RBFOX1: variants seen among roughly 807,000 people sequenced by gnomAD.
RBFOX1 encodes RNA binding fox-1 homolog 1.
A neutral mutation model predicts 57.7 loss-of-function variants in RBFOX1; 8 were observed. The observed-to-expected ratio is 0.14, with a 90% CI of 0.08 to 0.25. RBFOX1 has a LOEUF of 0.25. Among genes scored for constraint, RBFOX1 ranks in the 10% least tolerant of loss-of-function variants. RBFOX1 has a pLI of 1.00. For missense variants in RBFOX1, 611 were observed against 548.5 expected (o/e 1.11, Z -1.14); for synonymous variants, 326 against 222.4 (o/e 1.47, Z -4.15).
At chr16:5,826,520 T>C (rs1328886679) in intron 3 of RBFOX1, among the ~76,000 whole-genome samples, 1 of 152,248 alleles carries the variant, frequency 6.6e-6, no homozygotes, top group Non-Finnish European at 1.5e-5. Flanking sequence ...CCATTTGGCA[T>C]GAAAGCAGCC....
chr16:7,239,523 G>C (rs1246979999), intron 4 of RBFOX1, among the ~76,000 whole-genome samples: 10 of 151,992 alleles, frequency 6.6e-5, no homozygotes, highest in Admixed American at 4.6e-4. Context: ...ATAAAAATTG[G>C]AATCGGCTGG....
intron 14 of RBFOX1, among the ~76,000 whole-genome samples, chr16:7,678,333 G>A (rs1290642179): frequency 6.6e-6 from 1 of 152,076 alleles, no homozygotes; most frequent in East Asian, 1.9e-4. Context: ...GGGTCAATAA[G>A]ACTAATAAAA....
chr16:6,060,126 T>TTTG lies in RBFOX1; in HGVS notation c.-127+40136_-127+40137insGTT, dbSNP rs2095665575. 2.9e-4 allele frequency among the ~76,000 whole-genome samples: 3 copies of TTTG among 10,328 alleles called. No individual in the cohort carries two copies. The East Asian group carries it at 6.2e-3, about 21-fold the overall frequency. The allele number at this position is 10,328 out of a possible 152,430, so 6.8% of individuals were successfully genotyped here. Reference sequence around the variant, plus strand: ...GGCCCTAAAATTAGGATTAGGGTTTTTTTTTTTTTTTTTTTTTTTTTTTTT... The same window carrying TTTG: ...GGCCCTAAAATTAGGATTAGGGTTTTTTGTTTTTTTTTTTTTTTTTTTTTTTTT... On this transcript the variant is annotated intron_variant, in intron 1 of 15. Coordinates refer to ENST00000550418, the MANE Select transcript of RBFOX1 (RefSeq NM_018723.4).
In RBFOX1 at chr16:5,957,307, G is replaced by A. The variant is rs575297774; in HGVS notation, c.351+89972G>A. Among the ~76,000 whole-genome samples the A allele has an allele frequency of 5.9e-5, 9 of 152,134 alleles. No individual in the cohort carries two copies. The South Asian group carries it at 1.0e-3, about 18-fold the overall frequency. ...TCAGCTCACTGCAACCTCCACCTCCGGTGTTCAAGCGATTCTCTTGCCTCA... is the reference window on the plus strand; with the variant it reads ...TCAGCTCACTGCAACCTCCACCTCCAGTGTTCAAGCGATTCTCTTGCCTCA... On this transcript the variant is annotated intron_variant, in intron 4 of 19. Transcript: ENST00000641259.
intron 4 of RBFOX1, among the ~76,000 whole-genome samples, chr16:5,979,629 C>T (rs911612241): frequency 7.9e-5 from 12 of 152,224 alleles, no homozygotes; most frequent in African/African-American, 2.6e-4. Flanking sequence ...TTTGGGAGTA[C>T]GACGCAGATG....
intron 3 of RBFOX1, among the ~76,000 whole-genome samples, chr16:6,933,832 CTCTTTA>C (rs1555644247): frequency 3.9e-5 from 6 of 152,188 alleles, no homozygotes; most frequent in Non-Finnish European, 7.3e-5. Context: ...GTGTTTACCT[CTCTTTA>C]TCTTAAGAAA....
At chr16:5,481,970 T>G (rs972809761) in intron 2 of RBFOX1, among the ~76,000 whole-genome samples, 33 of 152,184 alleles carry the variant, frequency 2.2e-4, no homozygotes, top group African/African-American at 7.5e-4. Flanking sequence ...ACGGTCACAT[T>G]CTGAAGTACT....
chr16:6,726,360 TA>T (rs1314152998), intron 3 of RBFOX1, among the ~76,000 whole-genome samples: 2 of 151,520 alleles, frequency 1.3e-5, no homozygotes, highest in Non-Finnish European at 1.5e-5. Flanking sequence ...TTTGCATTTG[TA>T]AAAAAATAAT....
chr16:7,137,954 C>T (rs145961567), intron 4 of RBFOX1, among the ~76,000 whole-genome samples: 105 of 152,210 alleles, frequency 6.9e-4, no homozygotes, highest in African/African-American at 2.5e-3. Context: ...AGTGAGTTAG[C>T]CTCTATTTTC....
intron 14 of RBFOX1, among the ~76,000 whole-genome samples, chr16:7,706,086 T>G (rs1395021793): frequency 6.6e-6 from 1 of 152,182 alleles, no homozygotes; most frequent in Admixed American, 6.5e-5. Flanking sequence ...GGACATCAGA[T>G]TGCTGACGTG....
chr16:6,553,965 G>A (rs1367006127), intron 2 of RBFOX1, among the ~76,000 whole-genome samples: 1 of 152,084 alleles, frequency 6.6e-6, no homozygotes, highest in East Asian at 1.9e-4. Flanking sequence ...CAGGTACCAG[G>A]GTTTATTCAT....
intron 1 of RBFOX1, among the ~76,000 whole-genome samples, chr16:6,309,658 G>C (rs538259195): frequency 6.6e-6 from 1 of 151,984 alleles, no homozygotes; most frequent in South Asian, 2.1e-4. Context: ...CTCAAAGGGA[G>C]GCGGTGTGTG....
At chr16:5,499,051 A>G (rs1193857099) in intron 2 of RBFOX1, among the ~76,000 whole-genome samples, 4 of 152,164 alleles carry the variant, frequency 2.6e-5, no homozygotes, top group African/African-American at 4.8e-5. Context: ...CTCAATATGC[A>G]CAAGTGCCCC....
At chr16:6,566,184 C>G (rs927822413) in intron 2 of RBFOX1, among the ~76,000 whole-genome samples, 2 of 152,216 alleles carry the variant, frequency 1.3e-5, no homozygotes, top group African/African-American at 4.8e-5. Context: ...GAGGTACAAT[C>G]ACCTCCGTTG....
chr16:7,302,381 A>G (rs1207368967), intron 4 of RBFOX1, among the ~76,000 whole-genome samples: 4 of 152,112 alleles, frequency 2.6e-5, no homozygotes, highest in Non-Finnish European at 2.9e-5. Context: ...TTGCGAGCTG[A>G]TGGCTGGGTT....
At chr16:7,023,158 C>A (rs1021362207) in intron 3 of RBFOX1, among the ~76,000 whole-genome samples, 1 of 151,994 alleles carries the variant, frequency 6.6e-6, no homozygotes, top group African/African-American at 2.4e-5. Context: ...TGGGAGGCTG[C>A]AGAAGGAGGG....
In RBFOX1 at chr16:7,507,007, T is replaced by C. The variant is rs531236628; in HGVS notation, c.28-11140T>C. Among the ~76,000 whole-genome samples, 17 of 152,312 alleles carry C rather than the reference T, an allele frequency of 1.1e-4. 1 individual carries two copies. The South Asian group carries it at 2.7e-3, about 24-fold the overall frequency. ...CCAGTAGATTTTTCCCTCTAAAGCA[T>C]CGTAAGAGTCTCACTGTGAAGAATA... On this transcript the variant is annotated intron_variant, in intron 4 of 15. Coordinates refer to ENST00000550418, the MANE Select transcript of RBFOX1 (RefSeq NM_018723.4).
At chr16:6,236,230 C>G (rs2097504265) in intron 1 of RBFOX1, among the ~76,000 whole-genome samples, 1 of 152,056 alleles carries the variant, frequency 6.6e-6, no homozygotes, top group African/African-American at 2.4e-5. Context: ...TGGAGTCAGC[C>G]CTGATTGAAT....
At chr16:6,352,123 T>C (rs1359434944) in intron 2 of RBFOX1, among the ~76,000 whole-genome samples, 1 of 152,184 alleles carries the variant, frequency 6.6e-6, no homozygotes, top group African/African-American at 2.4e-5. Flanking sequence ...GTTTCTCCAG[T>C]CACTTTATAT....
Sources: gnomAD v4.1 joint callset for allele counts (sites outside exome capture counted in the v4.1 genomes callset) on GRCh38, gnomAD v4.1.1 for gene constraint, MANE v1.5 for transcripts, NCBI Gene and HGNC (gene_info 2026-07-23, HGNC 2026-07-21) for gene names.